RWDD4: variants seen among roughly 807,000 people sequenced by gnomAD.
The protein encoded by RWDD4 is RWD domain containing 4.
A neutral mutation model predicts 30.0 loss-of-function variants in RWDD4; 16 were observed. That is an observed-to-expected ratio of 0.53 (90% CI 0.36 to 0.81). The LOEUF (loss-of-function observed/expected upper bound fraction) is 0.81. Ranked by LOEUF, RWDD4 falls within the 30% of genes least tolerant of loss-of-function variation. The pLI, the probability that RWDD4 is intolerant of heterozygous loss-of-function variation, is 0.00. For synonymous variants in RWDD4, 45 were observed against 72.1 expected (o/e 0.62, Z 1.90); for missense variants, 170 against 223.9 (o/e 0.76, Z 1.54).
At chr4:183,650,453 C>T (rs1000783349) in intron 4 of RWDD4, among the ~76,000 whole-genome samples, 3 of 152,258 alleles carry the variant, frequency 2.0e-5, no homozygotes, top group South Asian at 2.1e-4. Context: ...TAGTGCATGA[C>T]GTGGTGCAAA....
At position 183,651,285 on chromosome 4, in the gene RWDD4, A is replaced by C; in HGVS notation, c.148T>G (p.Ser50Ala). 1 of 1,612,606 alleles carries C rather than the reference A, an allele frequency of 6.2e-7. No homozygotes were observed. Among genetic ancestry groups the C allele is most frequent in the African/African-American group, 1.3e-5 (1 of 75,008 alleles). The change falls in exon 3 of 8, where the codon TCC becomes GCC. Residue 50 changes from serine to alanine, a missense_variant. Coordinates refer to ENST00000326397, the MANE Select transcript of RWDD4 (RefSeq NM_152682.4). ...GDPKAFLIEISWTETYPQTPP... is the reference protein window; with the variant it reads ...GDPKAFLIEIAWTETYPQTPP... Reference sequence around the variant, plus strand: ...GTTTGGGGATATGTTTCTGTCCAGGAAATCTCTATTAAGAAGGCTTTGGGA... The same window carrying C: ...GTTTGGGGATATGTTTCTGTCCAGGCAATCTCTATTAAGAAGGCTTTGGGA...
intron 7 of RWDD4, 115 bp downstream of exon 7, chr4:183,646,236 A>G: frequency 2.9e-6 from 2 of 690,402 alleles, no homozygotes. Context: ...TTACATAGTC[A>G]TACTATATTG....
At chr4:183,656,052 A>G in intron 1 of RWDD4, 91 bp from the exon 2 acceptor site, 5 of 840,876 alleles carry the variant, frequency 5.9e-6, no homozygotes, top group South Asian at 1.5e-5. Context: ...CCACTCAACT[A>G]TGTAAAAGCT....
chr4:183,642,703 G>A (rs1003765709), intron 7 of RWDD4, among the ~76,000 whole-genome samples: 1 of 152,160 alleles, frequency 6.6e-6, no homozygotes, highest in Non-Finnish European at 1.5e-5. Flanking sequence ...TGCTTTAAGA[G>A]TATTAGTGAT....
chr4:183,653,298 G>A (rs183058198), intron 2 of RWDD4, among the ~76,000 whole-genome samples: 20 of 152,166 alleles, frequency 1.3e-4, no homozygotes, highest in African/African-American at 4.1e-4. Context: ...GCTGGGTGAG[G>A]TGGCTCATGT....
At chr4:183,646,899 T>C (rs764635785) in intron 5 of RWDD4, among the ~76,000 whole-genome samples, 2 of 152,190 alleles carry the variant, frequency 1.3e-5, no homozygotes, top group Non-Finnish European at 2.9e-5. Flanking sequence ...ATTTAAGTAA[T>C]AAGTTGTATT....
chr4:183,647,022 T>A (rs1579125140), intron 5 of RWDD4, among the ~76,000 whole-genome samples: 1 of 152,234 alleles, frequency 6.6e-6, no homozygotes, highest in Admixed American at 6.5e-5. Flanking sequence ...GGCTAACTTA[T>A]GTATTAGTTG....
At chr4:183,644,722 G>A (rs114097388) in intron 7 of RWDD4, among the ~76,000 whole-genome samples, 4,214 of 152,008 alleles carry the variant, frequency 0.028, 69 homozygotes, top group Non-Finnish European at 0.043. Context: ...AGGGTGCAGT[G>A]AGCTGAGATC....
At chr4:183,645,117 C>T (rs1040693342) in intron 7 of RWDD4, among the ~76,000 whole-genome samples, 3 of 152,040 alleles carry the variant, frequency 2.0e-5, no homozygotes, top group African/African-American at 4.8e-5. Flanking sequence ...AAAACAACAA[C>T]AAAAAACCCA....
chr4:183,643,415 C>CAAAAAAAAAAAAAAAAAAAAAAAA (rs56730708), intron 7 of RWDD4, among the ~76,000 whole-genome samples: 10 of 22,664 alleles, frequency 4.4e-4, no homozygotes, highest in East Asian at 8.5e-4. Context: ...GACTCTATCT[C>CAAAAAAAAAAAAAAAAAAAAAAAA]AAAAAAAAAA....
chr4:183,658,881 T>A, intron 1 of RWDD4, 48 bp downstream of exon 1: 1 of 1,233,192 alleles, frequency 8.1e-7, no homozygotes, highest in Non-Finnish European at 1.0e-6. Context: ...GGCCCGGGGC[T>A]GCGCGCCGCG....
At chr4:183,643,098 AT>A (rs1733894524) in intron 7 of RWDD4, among the ~76,000 whole-genome samples, 4 of 136,036 alleles carry the variant, frequency 2.9e-5, no homozygotes, top group African/African-American at 5.8e-5. Flanking sequence ...AAATAAATAA[AT>A]AAATAAAATA....
At chr4:183,642,273 T>C (rs1419292446) in intron 7 of RWDD4, among the ~76,000 whole-genome samples, 1 of 85,900 alleles carries the variant, frequency 1.2e-5, no homozygotes, top group Non-Finnish European at 2.1e-5. Context: ...CACTGCAAGC[T>C]CCGCCTCCCG....
chr4:183,659,101 G>C lies in RWDD4; in HGVS notation c.-149C>G, dbSNP rs1734309890. The C allele has an allele frequency of 3.6e-6, 2 of 554,570 alleles. No individual in the cohort carries two copies. The highest frequency in any genetic ancestry group is 5.4e-6 in the Non-Finnish European group (2 of 370,588). 34.4% of individuals were successfully genotyped at this position (554,570 alleles called of 1,614,324 possible). A position where few individuals can be genotyped will look rare whatever the true frequency, so the allele number is the denominator to read the frequency against. On this transcript the variant is annotated 5_prime_UTR_variant, in exon 1 of 8. Transcript: ENST00000326397. ...TGGCACTGGCAGACGCCAACTGCGC[G>C]CGCCCCGAGCCTCGGCAGCGCCCAG...
chr4:183,644,484 A>T (rs1316612246), intron 7 of RWDD4, among the ~76,000 whole-genome samples: 3 of 152,232 alleles, frequency 2.0e-5, no homozygotes, highest in Admixed American at 2.0e-4. Flanking sequence ...AAAGTTTAAG[A>T]AAATGGCCAG....
intron 7 of RWDD4, among the ~76,000 whole-genome samples, chr4:183,645,620 T>A (rs1488359031): frequency 5.8e-5 from 8 of 137,122 alleles, no homozygotes; most frequent in African/African-American, 1.9e-4. Context: ...AAAAAAAAAA[T>A]TAGCCAGGCA....
chr4:183,647,247 C>G (rs1308098801), intron 5 of RWDD4, among the ~76,000 whole-genome samples: 2 of 152,092 alleles, frequency 1.3e-5, no homozygotes, highest in Non-Finnish European at 2.9e-5. Flanking sequence ...TTGATGTATG[C>G]CATGCATGTC....
intron 5 of RWDD4, among the ~76,000 whole-genome samples, chr4:183,647,526 A>G (rs1352649140): frequency 6.6e-6 from 1 of 152,206 alleles, no homozygotes; most frequent in Admixed American, 6.5e-5. Flanking sequence ...TTTATTTAGA[A>G]TGAAAGCTCC....
At chr4:183,652,746 G>A (rs1734108513) in intron 2 of RWDD4, among the ~76,000 whole-genome samples, 1 of 150,388 alleles carries the variant, frequency 6.6e-6, no homozygotes, top group Non-Finnish European at 1.5e-5. Context: ...GTAGGCAGAG[G>A]TTGCAGTGAG....
Sources: allele counts gnomAD v4.1 joint callset (sites outside exome capture counted in the v4.1 genomes callset), GRCh38; gene constraint gnomAD v4.1.1; transcripts MANE v1.5; gene names NCBI Gene and HGNC (gene_info 2026-07-23, HGNC 2026-07-21).